Variants in KLF12 observed in about 807,000 individuals in gnomAD.
The protein encoded by KLF12 is Krueppel-like factor 12.
In KLF12, 9 loss-of-function variants were observed where a neutral mutation model predicts 37.8. The ratio of observed to expected loss-of-function variants is 0.24; its 90% CI spans 0.14 to 0.42. The LOEUF (loss-of-function observed/expected upper bound fraction) is 0.42, where lower values mean the gene tolerates loss of function less well. Ranked by LOEUF, KLF12 falls within the 10% of genes least tolerant of loss-of-function variation. The pLI is 1.00. For synonymous variants in KLF12, 208 were observed against 202.1 expected (o/e 1.03, Z -0.25); for missense variants, 411 against 516.0 (o/e 0.80, Z 1.97).
chr13:73,891,646 T>TTA (rs1320083539), intron 3 of KLF12, among the ~76,000 whole-genome samples: 3 of 152,158 alleles, frequency 2.0e-5, no homozygotes, highest in Non-Finnish European at 2.9e-5. Context: ...TCTTGCCTTC[T>TTA]TAACAAAAAT....
At chr13:74,109,485 C>A (rs1876854387) in intron 1 of KLF12, among the ~76,000 whole-genome samples, 1 of 151,954 alleles carries the variant, frequency 6.6e-6, no homozygotes, top group African/African-American at 2.4e-5. Flanking sequence ...TTTAAAAGAA[C>A]AGATTATTTG....
chr13:73,831,253 C>T (rs1884140737), intron 4 of KLF12, among the ~76,000 whole-genome samples: 1 of 152,078 alleles, frequency 6.6e-6, no homozygotes, highest in Admixed American at 6.5e-5. Context: ...TAATTCAAGG[C>T]TCTACCACTC....
chr13:73,987,774 G>A (rs1338861745), intron 2 of KLF12, among the ~76,000 whole-genome samples: 1 of 130,650 alleles, frequency 7.7e-6, no homozygotes, highest in East Asian at 2.4e-4. Context: ...AAATTGGAGA[G>A]GGGAGAGAAG....
intron 4 of KLF12, among the ~76,000 whole-genome samples, chr13:73,816,778 C>A (rs1429445778): frequency 1.3e-5 from 2 of 152,130 alleles, no homozygotes; most frequent in Non-Finnish European, 2.9e-5. Context: ...TCCCCTTTTC[C>A]CTTGCTCTTT....
At chr13:73,888,221 C>A (rs748439288) in intron 3 of KLF12, among the ~76,000 whole-genome samples, 4 of 152,028 alleles carry the variant, frequency 2.6e-5, no homozygotes, top group Non-Finnish European at 5.9e-5. Flanking sequence ...CCAGGCTGGT[C>A]GTGAACTCCT....
At chr13:73,973,339 C>T (rs9600202) in intron 2 of KLF12, among the ~76,000 whole-genome samples, 7,380 of 152,268 alleles carry the variant, frequency 0.048, 382 homozygotes, top group African/African-American at 0.13. Context: ...TCCTGCCATT[C>T]TGCTCAAAGG....
chr13:73,954,790 G>T (rs1890777494), intron 2 of KLF12, among the ~76,000 whole-genome samples: 1 of 152,164 alleles, frequency 6.6e-6, no homozygotes, highest in Non-Finnish European at 1.5e-5. Context: ...GATTTTTCCA[G>T]ATTTCCCAAA....
At chr13:74,135,809 T>G (rs1593930558), upstream of KLF12, among the ~76,000 whole-genome samples, 1 of 149,870 alleles carries the variant, frequency 6.7e-6, no homozygotes, top group African/African-American at 2.5e-5. Flanking sequence ...TGGCGTGGAG[T>G]GGGGTGGGAA....
chr13:73,995,646 T>C (rs1484701472), intron 1 of KLF12, among the ~76,000 whole-genome samples: 2 of 152,180 alleles, frequency 1.3e-5, no homozygotes, highest in African/African-American at 4.8e-5. Context: ...GTCCCTTCTT[T>C]TAAAAATTAA....
chr13:74,235,809 T>C, the KLF12 span, among the ~76,000 whole-genome samples: 2 of 152,124 alleles, frequency 1.3e-5, no homozygotes, highest in Admixed American at 1.3e-4. Context: ...TAAATTAAAA[T>C]TCATAATAAC....
intron 5 of KLF12, among the ~76,000 whole-genome samples, chr13:73,794,203 G>C (rs1459762515): frequency 6.6e-6 from 1 of 152,262 alleles, no homozygotes; most frequent in Non-Finnish European, 1.5e-5. Flanking sequence ...GCTCATGCCT[G>C]TAATCCCGGC....
chr13:74,189,932 CT>C, the KLF12 span, among the ~76,000 whole-genome samples: 6 of 152,078 alleles, frequency 3.9e-5, no homozygotes, highest in African/African-American at 1.4e-4. Flanking sequence ...AGAATGTCCA[CT>C]TTTTTTTCTT....
At chr13:73,749,316 A>C (rs1182640127) in intron 6 of KLF12, among the ~76,000 whole-genome samples, 1 of 152,222 alleles carries the variant, frequency 6.6e-6, no homozygotes, top group East Asian at 1.9e-4. Flanking sequence ...ATTAAACAAC[A>C]GAGCCTGCAT....
the KLF12 span, among the ~76,000 whole-genome samples, chr13:74,157,727 C>T: frequency 2.0e-5 from 3 of 152,192 alleles, no homozygotes; most frequent in South Asian, 2.1e-4. Context: ...AGAATGTTAA[C>T]AGCCTAAGAT....
rs115886729 is a variant in KLF12, at chr13:73,911,079, A to G, written c.123+32902T>C. Among the ~76,000 whole-genome samples the G allele has an allele frequency of 6.6e-3, 1,004 of 151,980 alleles. 19 individuals carry two copies. The highest frequency in any genetic ancestry group is 0.023 in the African/African-American group (955 of 41,320). ...CTTTTCTTTATAAATGAAGCAACAA[A>G]AAACAGACTAAGAGATTTATTATCA... On this transcript the variant is annotated intron_variant, in intron 3 of 7. Coordinates refer to ENST00000377669, the MANE Select transcript of KLF12 (RefSeq NM_007249.5).
chr13:74,231,803 C>T, the KLF12 span: 3 of 152,112 alleles, frequency 2.0e-5, no homozygotes, highest in Middle Eastern at 3.2e-3. Context: ...TTATTATATG[C>T]TTGCAAATAG....
intron 2 of KLF12, among the ~76,000 whole-genome samples, chr13:73,969,512 C>A (rs983420611): frequency 3.3e-5 from 5 of 152,126 alleles, no homozygotes; most frequent in Non-Finnish European, 5.9e-5. Flanking sequence ...GGATAAACTC[C>A]TTCTTTAGTG....
chr13:74,204,212 C>T, the KLF12 span, among the ~76,000 whole-genome samples: 1 of 152,154 alleles, frequency 6.6e-6, no homozygotes, highest in African/African-American at 2.4e-5. Context: ...GAGGATGTTG[C>T]TTAGCATTGT....
intron 1 of KLF12, among the ~76,000 whole-genome samples, chr13:74,016,315 A>G (rs1420275411): frequency 2.0e-5 from 3 of 152,122 alleles, no homozygotes; most frequent in Non-Finnish European, 4.4e-5. Context: ...CAAAAAGACA[A>G]TGTGAAGAAT....
Sources: gnomAD v4.1 joint callset for allele counts (sites outside exome capture counted in the v4.1 genomes callset) on GRCh38, gnomAD v4.1.1 for gene constraint, MANE v1.5 for transcripts, NCBI Gene and HGNC (gene_info 2026-07-23, HGNC 2026-07-21) for gene names.